Variants in MID1 observed in about 807,000 individuals in gnomAD.
MID1 encodes the protein midline 1, also known as E3 ubiquitin-protein ligase Midline-1.
MID1 carries 7 observed loss-of-function variants against 40.4 expected under a neutral mutation model. The ratio of observed to expected loss-of-function variants is 0.17; its 90% confidence interval spans 0.10 to 0.33. The LOEUF is 0.33. Ranked by LOEUF, MID1 falls within the 10% of genes least tolerant of loss-of-function variation. MID1 has a pLI of 1.00. For missense variants in MID1, 367 were observed against 558.5 expected, an observed-to-expected ratio of 0.66 and a Z score of 3.46; for synonymous variants, 229 against 221.2, an observed-to-expected ratio of 1.04 and a Z score of -0.31.
intron 3 of MID1, 114 bp from the exon 4 acceptor site, chrX:10,495,805 T>A (rs1472798982): frequency 4.2e-5 from 24 of 571,755 alleles, no homozygotes; most frequent in Non-Finnish European, 6.2e-5. Flanking sequence ...ATTTTAAATG[T>A]TAACTCTTTG....
chrX:10,495,568 G>A lies in MID1; in HGVS notation c.864+16C>T. On this transcript the variant is annotated intron_variant, in intron 4 of 9. Transcript: ENST00000317552. Reference sequence around the variant, plus strand: ...CCAGGTAGAGAATATGAAATCTTCTGCCCTAGAAATCATACCTTCCCTTCT... The same window carrying A: ...CCAGGTAGAGAATATGAAATCTTCTACCCTAGAAATCATACCTTCCCTTCT... 1 of 1,118,922 alleles carries A rather than the reference G, an allele frequency of 8.9e-7. No homozygotes were observed. The allele number at this position is 1,118,922 out of a possible 1,213,427, so 92.2% of individuals were successfully genotyped here.
At chrX:10,714,426 C>T (rs1437145086) in intron 1 of MID1, among the ~76,000 whole-genome samples, 1 of 111,960 alleles carries the variant, frequency 8.9e-6, no homozygotes, top group African/African-American at 3.2e-5. Flanking sequence ...GGCTGTTGAG[C>T]CTGGAAACTT....
chrX:10,808,280 AC>A (rs1183293128), intron 1 of MID1, among the ~76,000 whole-genome samples: 1 of 111,433 alleles, frequency 9.0e-6, no homozygotes, highest in Non-Finnish European at 1.9e-5. Context: ...ATATCTGATA[AC>A]CATTGAATCT....
intron 2 of MID1, among the ~76,000 whole-genome samples, chrX:10,548,587 A>C (rs1933789976): frequency 8.9e-6 from 1 of 112,229 alleles, no homozygotes; most frequent in African/African-American, 3.2e-5. Flanking sequence ...GATACGAAGT[A>C]ATTGCCAAAT....
At chrX:10,711,232 G>A (rs1158501623) in intron 1 of MID1, among the ~76,000 whole-genome samples, 2 of 112,124 alleles carry the variant, frequency 1.8e-5, no homozygotes, top group African/African-American at 6.5e-5. Flanking sequence ...CAAGGAAAGT[G>A]ACAGTCAATT....
intron 5 of MID1, among the ~76,000 whole-genome samples, chrX:10,476,219 G>A (rs1930002884): frequency 9.0e-6 from 1 of 111,572 alleles, no homozygotes; most frequent in African/African-American, 3.3e-5. Flanking sequence ...TAAGAGGGGA[G>A]GGGAGATGGG....
chrX:10,477,649 C>T (rs906419935), intron 5 of MID1, among the ~76,000 whole-genome samples: 1 of 112,050 alleles, frequency 8.9e-6, no homozygotes, highest in Non-Finnish European at 1.9e-5. Context: ...GGGCTGTTAG[C>T]GCTATGCCAC....
At chrX:10,817,832 T>G (rs2044150615) in intron 1 of MID1, among the ~76,000 whole-genome samples, 1 of 110,497 alleles carries the variant, frequency 9.1e-6, no homozygotes, top group South Asian at 3.8e-4. Context: ...TTGGCCAGGC[T>G]GGTCTCGAAC....
At chrX:10,717,622 C>T (rs2043315259) in intron 1 of MID1, among the ~76,000 whole-genome samples, 1 of 110,229 alleles carries the variant, frequency 9.1e-6, no homozygotes, top group Admixed American at 9.7e-5. Flanking sequence ...CCACTGTCAA[C>T]ATTAGACAGA....
At chrX:10,824,625 T>C (rs1283399358) in intron 1 of MID1, among the ~76,000 whole-genome samples, 1 of 112,405 alleles carries the variant, frequency 8.9e-6, no homozygotes, top group Non-Finnish European at 1.9e-5. Context: ...GCAGTCCCTT[T>C]GGGACATACT....
intron 1 of MID1, among the ~76,000 whole-genome samples, chrX:10,651,412 C>T (rs1439863630): frequency 8.9e-6 from 1 of 111,983 alleles, no homozygotes; most frequent in East Asian, 2.8e-4. Context: ...GAAAACTGTC[C>T]TTCCATTGAG....
chrX:10,633,047 T>G (rs1182243104), intron 1 of MID1, among the ~76,000 whole-genome samples: 2 of 111,481 alleles, frequency 1.8e-5, no homozygotes, highest in Non-Finnish European at 3.8e-5. Context: ...CTGAAGGGGA[T>G]CAGAATATGC....
intron 3 of MID1, among the ~76,000 whole-genome samples, chrX:10,503,407 G>A (rs913503724): frequency 8.9e-6 from 1 of 112,331 alleles, no homozygotes; most frequent in Non-Finnish European, 1.9e-5. Context: ...GTGAATGAGA[G>A]AGAGAGAGAA....
At chrX:10,490,493 T>G (rs1036106443) in intron 4 of MID1, among the ~76,000 whole-genome samples, 1 of 111,831 alleles carries the variant, frequency 8.9e-6, no homozygotes, top group African/African-American at 3.2e-5. Flanking sequence ...GTATGTTTTC[T>G]GTTAATGTGG....
At chrX:10,687,540 C>T (rs947730306) in intron 1 of MID1, among the ~76,000 whole-genome samples, 2 of 112,289 alleles carry the variant, frequency 1.8e-5, no homozygotes, top group Admixed American at 1.9e-4. Flanking sequence ...GATATGTTAG[C>T]ATATACAGTA....
At chrX:10,813,333 T>C (rs2044115372) in intron 1 of MID1, among the ~76,000 whole-genome samples, 1 of 111,420 alleles carries the variant, frequency 9.0e-6, no homozygotes, top group African/African-American at 3.3e-5. Context: ...AACTTGCATT[T>C]GCTGGGTCCT....
intron 3 of MID1, chrX:10,506,290 G>A: frequency 9.8e-7 from 1 of 1,017,760 alleles, no homozygotes; most frequent in Non-Finnish European, 1.2e-6. Flanking sequence ...AGACATGGTT[G>A]GCAGTTGTAT....
intron 1 of MID1, among the ~76,000 whole-genome samples, chrX:10,823,230 C>T (rs765604737): frequency 1.3e-4 from 14 of 111,481 alleles, no homozygotes; most frequent in South Asian, 7.5e-4. Flanking sequence ...GAACAGAAAA[C>T]CAAACACTGC....
At chrX:10,514,127 A>T (rs1307683237) in intron 3 of MID1, among the ~76,000 whole-genome samples, 1 of 111,968 alleles carries the variant, frequency 8.9e-6, no homozygotes, top group Non-Finnish European at 1.9e-5. Context: ...TTCAAACATT[A>T]GAGGGTTTGT....
Sources: allele counts gnomAD v4.1 joint callset (sites outside exome capture counted in the v4.1 genomes callset), GRCh38; gene constraint gnomAD v4.1.1; transcripts MANE v1.5; gene names NCBI Gene and HGNC (gene_info 2026-07-23, HGNC 2026-07-21).